The following DPY19L4 variants were observed in gnomAD, a reference collection of about 807,000 sequenced individuals.
DPY19L4 encodes the protein probable C-mannosyltransferase DPY19L4.
In DPY19L4, 97 loss-of-function variants were observed where a neutral mutation model predicts 102.8. The observed-to-expected ratio is 0.94, with a 90% CI of 0.80 to 1.12. The LOEUF (loss-of-function observed/expected upper bound fraction) is 1.12. Among genes scored for constraint, DPY19L4 ranks in the 50% most tolerant of loss-of-function variants. The pLI, the probability that DPY19L4 is intolerant of heterozygous loss-of-function variation, is 0.00. For missense variants in DPY19L4, 815 were observed against 850.4 expected (o/e 0.96, Z 0.52); for synonymous variants, 252 against 283.1 (o/e 0.89, Z 1.10).
intron 6 of DPY19L4, among the ~76,000 whole-genome samples, chr8:94,740,577 C>T (rs1038546211): frequency 6.6e-5 from 10 of 152,092 alleles, no homozygotes; most frequent in African/African-American, 2.4e-4. Context: ...GCCTCAGCCT[C>T]GGGAGTAGCT....
chr8:94,776,040 T>C (rs1293522164), intron 13 of DPY19L4, among the ~76,000 whole-genome samples: 1 of 141,656 alleles, frequency 7.1e-6, no homozygotes, highest in Admixed American at 7.0e-5. Flanking sequence ...TTTTTTTTTT[T>C]TTTTTTTTTT....
chr8:94,754,091 G>A lies in DPY19L4; in HGVS notation c.612-1945G>A, dbSNP rs563256349. ...CCAGCTACTTGGGGATACTGAGGTG[G>A]GAGGATCATCTGAGCCTGGGAGGTC... On this transcript the variant is annotated intron_variant, in intron 6 of 18. Transcript: ENST00000414645. 2.6e-5 allele frequency among the ~76,000 whole-genome samples: 4 copies of A among 152,194 alleles called. No individual in the cohort carries two copies. The South Asian group carries it at 8.3e-4, about 32-fold the overall frequency.
At chr8:94,744,582 A>T (rs1173709472) in intron 6 of DPY19L4, 1 of 455,764 alleles carries the variant, frequency 2.2e-6, no homozygotes. Flanking sequence ...TGGCTACCAC[A>T]TTCAATTAAC....
rs1357221109 is a variant in DPY19L4, at chr8:94,761,758, A to G, written c.794A>G (p.Tyr265Cys). 2 of 1,612,324 alleles carry G rather than the reference A, an allele frequency of 1.2e-6. No individual in the cohort carries two copies. Among genetic ancestry groups the G allele is most frequent in the East Asian group, 4.5e-5 (2 of 44,758 alleles). The change falls in exon 8 of 19, where the codon TAT (tyrosine) becomes TGT (cysteine). Residue 265 changes from tyrosine (Y) to cysteine (C), a missense_variant. Tyr to Cys is a radical substitution (Grantham distance 194). Coordinates refer to ENST00000414645, the MANE Select transcript of DPY19L4 (RefSeq NM_181787.3). ...TACACATTTATGATGATGTGGGAGT[A>G]TAGCCACTATCTCCTGTTTCTTCAA... is the stretch of plus-strand genomic sequence containing the variant. Reference protein sequence around the residue: ...STYTFMMMWEYSHYLLFLQAI... With the variant: ...STYTFMMMWECSHYLLFLQAI...
intron 17 of DPY19L4, among the ~76,000 whole-genome samples, chr8:94,785,617 C>T (rs1813619405): frequency 6.6e-6 from 1 of 152,106 alleles, no homozygotes; most frequent in Admixed American, 6.6e-5. Context: ...TTTAGTAAAC[C>T]TGGCAGTCGA....
At chr8:94,735,407 A>G (rs1284514705) in intron 3 of DPY19L4, among the ~76,000 whole-genome samples, 2 of 152,234 alleles carry the variant, frequency 1.3e-5, no homozygotes, top group East Asian at 1.9e-4. Context: ...AACACCATCA[A>G]GACATTTAAC....
At chr8:94,763,768 C>A (rs527864704) in intron 8 of DPY19L4, among the ~76,000 whole-genome samples, 2 of 151,914 alleles carry the variant, frequency 1.3e-5, no homozygotes, top group African/African-American at 4.8e-5. Context: ...TCAAGTGATC[C>A]GCTCTCTTTG....
chr8:94,723,366 G>A (rs1369900490), intron 1 of DPY19L4, among the ~76,000 whole-genome samples: 1 of 151,994 alleles, frequency 6.6e-6, no homozygotes, highest in Non-Finnish European at 1.5e-5. Context: ...CCAGCTACTC[G>A]GGAGGCTGAG....
At chr8:94,726,199 T>A (rs1810681092) in intron 1 of DPY19L4, 132 bp from the exon 2 acceptor site, 2 of 579,126 alleles carry the variant, frequency 3.5e-6, no homozygotes, top group African/African-American at 3.9e-5. Flanking sequence ...AAAATAATTA[T>A]GAAAAGGTTA....
intron 2 of DPY19L4, among the ~76,000 whole-genome samples, chr8:94,732,024 G>A (rs1233566390): frequency 1.3e-5 from 2 of 152,016 alleles, no homozygotes; most frequent in African/African-American, 4.8e-5. Flanking sequence ...GCCTGCCTCG[G>A]CCTCCCAAAG....
Position 94,793,715 on chromosome 8 carries a change from T to G in DPY19L4, c.*3805T>G, listed in dbSNP as rs1813940087. On this transcript the variant is annotated 3_prime_UTR_variant, in exon 19 of 19. Coordinates refer to ENST00000414645, the MANE Select transcript of DPY19L4 (RefSeq NM_181787.3). ...TAGTATGTTTTTTAATGTGTAGAAT[T>G]AACACTTTAAAATAAACAGGTGTGA... The G allele has an allele frequency of 6.6e-6, 1 of 152,148 alleles. No individual in the cohort carries two copies. The highest frequency in any genetic ancestry group is 1.5e-5 in the Non-Finnish European group (1 of 67,998). The allele number at this position is 152,148 out of a possible 1,614,324, so 9.4% of individuals were successfully genotyped here.
At position 94,780,417 on chromosome 8, in the gene DPY19L4, T is replaced by TA. The variant is rs774249264; in HGVS notation, c.1632+9dup. The TA allele has an allele frequency of 3.5e-6, 5 of 1,448,024 alleles. No homozygotes were observed. The highest frequency in any genetic ancestry group is 1.7e-5 in the South Asian group (1 of 58,978). The allele number at this position is 1,448,024 out of a possible 1,614,324, so 89.7% of individuals were successfully genotyped here. A position where few individuals can be genotyped will look rare whatever the true frequency, so the allele number is the denominator to read the frequency against. On this transcript the variant is annotated splice_region_variant and intron_variant, in intron 15 of 18. Coordinates refer to ENST00000414645, the MANE Select transcript of DPY19L4 (RefSeq NM_181787.3). ...ATAGGTCTCAGCTTATGGAAAGAGG[T>TA]AAAAAAATTAGATTTTTATATTAAT...
rs1338686981 is a variant in DPY19L4 at position 94,734,813 on chromosome 8, G to A, written c.252+59G>A. ...ATTTTCCCAGGGAACCAGAATGTAT[G>A]TATGATAAGTATGACAAGTGCTGTC... On this transcript the variant is annotated intron_variant, in intron 3 of 18. Transcript: ENST00000414645. 8 of 1,602,668 alleles carry A rather than the reference G, an allele frequency of 5.0e-6. No homozygotes were observed. In the Admixed American group the frequency reaches 1.2e-4, roughly 24 times the overall value.
intron 12 of DPY19L4, 72 bp downstream of exon 12, chr8:94,768,625 AT>A: frequency 2.2e-6 from 2 of 908,690 alleles, no homozygotes; most frequent in Non-Finnish European, 3.0e-6. Flanking sequence ...TATTTTTAAT[AT>A]TCTTCCAAGA....
intron 17 of DPY19L4, 117 bp downstream of exon 17, chr8:94,783,919 G>T: frequency 8.7e-7 from 1 of 1,153,388 alleles, no homozygotes; most frequent in Non-Finnish European, 1.2e-6. Context: ...TTTTAGAAGA[G>T]TTAATTAACT....
At chr8:94,741,408 T>C (rs1482366340) in intron 6 of DPY19L4, among the ~76,000 whole-genome samples, 1 of 152,218 alleles carries the variant, frequency 6.6e-6, no homozygotes, top group Non-Finnish European at 1.5e-5. Context: ...TATTTTTCTA[T>C]TTTCATTAGC....
At chr8:94,730,785 GC>G (rs1192031928) in intron 2 of DPY19L4, among the ~76,000 whole-genome samples, 1 of 107,008 alleles carries the variant, frequency 9.3e-6, no homozygotes, top group African/African-American at 3.5e-5. Flanking sequence ...CGCTCTTGTT[GC>G]CCAGGCTGGA....
chr8:94,778,514 C>T (rs1012946297), intron 14 of DPY19L4, among the ~76,000 whole-genome samples: 3 of 152,038 alleles, frequency 2.0e-5, no homozygotes, highest in South Asian at 2.1e-4. Context: ...AATAAGAATT[C>T]GGCCCTCTGT....
rs1368732025 is a variant in DPY19L4 at position 94,756,115 on chromosome 8, G to A, written c.691G>A (p.Ala231Thr). 5 of 1,613,750 alleles carry A rather than the reference G, an allele frequency of 3.1e-6. No individual in the cohort carries two copies. The highest frequency in any genetic ancestry group is 1.1e-5 in the South Asian group (1 of 91,036). ...ALPYFACQIA[A>T]LTGYLKSNLN... ...ACCATATTTTGCATGCCAAATTGCT[G>A]CACTTACAGGCTATTTAAAAAGCAA... Residue 231 changes from alanine to threonine, a missense_variant, in exon 7 of 19, where the codon GCA (alanine) becomes ACA (threonine). Physicochemically the swap from Ala to Thr is moderately conservative, Grantham distance 58. Coordinates refer to ENST00000414645, the MANE Select transcript of DPY19L4 (RefSeq NM_181787.3).
Sources: allele counts gnomAD v4.1 joint callset (sites outside exome capture counted in the v4.1 genomes callset), GRCh38; gene constraint gnomAD v4.1.1; transcripts MANE v1.5; gene names NCBI Gene and HGNC (gene_info 2026-07-23, HGNC 2026-07-21).